Variants in ANK2 observed in about 807,000 individuals in gnomAD.
ANK2 encodes the protein ankyrin 2, also known as ankyrin-2.
A neutral mutation model predicts 360.5 loss-of-function variants in ANK2; 83 were observed. That is an observed-to-expected ratio of 0.23 (90% CI 0.19 to 0.28). The LOEUF is 0.28. Ranked by LOEUF, ANK2 falls within the 10% of genes least tolerant of loss-of-function variation. The pLI is 1.00. For missense variants in ANK2, 4,201 were observed against 4,795.7 expected (o/e 0.88, Z 3.66); for synonymous variants, 1,740 against 1,759.5 (o/e 0.99, Z 0.28).
chr4:113,009,684 C>G (rs2054073274), intron 2 of ANK2, among the ~76,000 whole-genome samples: 1 of 152,118 alleles, frequency 6.6e-6, no homozygotes, highest in Non-Finnish European at 1.5e-5. Flanking sequence ...TGGACCACTC[C>G]TGATGATAAG....
At chr4:112,989,867 G>A (rs886215356) in intron 2 of ANK2, among the ~76,000 whole-genome samples, 1 of 152,176 alleles carries the variant, frequency 6.6e-6, no homozygotes, top group Non-Finnish European at 1.5e-5. Context: ...GTTCATGACG[G>A]TATCCTTCCA....
At chr4:113,184,563 G>T (rs994804964) in intron 2 of ANK2, among the ~76,000 whole-genome samples, 1 of 152,130 alleles carries the variant, frequency 6.6e-6, no homozygotes, top group South Asian at 2.1e-4. Context: ...TGTGTGAGAT[G>T]AGGTGAAGCT....
chr4:113,222,537 T>C lies in ANK2; in HGVS notation c.385-9624T>C, dbSNP rs765647198. Among the ~76,000 whole-genome samples, 15 of 152,120 alleles carry C rather than the reference T, an allele frequency of 9.9e-5. 1 individual carries two copies. In the Middle Eastern group the frequency reaches 0.02, roughly 207 times the overall value. On this transcript the variant is annotated intron_variant, in intron 4 of 45. Coordinates refer to ENST00000357077, the MANE Select transcript of ANK2 (RefSeq NM_001148.6). ...TCAGCCTTTTTGAGTCTGAGGCAGT[T>C]TGATCCTTATTGAAAAGGGCAGCTG...
intron 43 of ANK2, chr4:113,372,420 T>A (rs868726714): frequency 3.0e-6 from 2 of 663,312 alleles, no homozygotes; most frequent in Middle Eastern, 2.6e-4. Flanking sequence ...AACTTGTCCA[T>A]CAAAGCCTCC....
At chr4:112,989,535 G>C (rs1026110225) in intron 2 of ANK2, among the ~76,000 whole-genome samples, 37 of 152,202 alleles carry the variant, frequency 2.4e-4, no homozygotes, top group African/African-American at 7.7e-4. Context: ...GCCTCGTGCA[G>C]TATGTTCTCA....
chr4:113,284,673 CAAT>C (rs1408392047), intron 18 of ANK2, among the ~76,000 whole-genome samples: 2 of 152,070 alleles, frequency 1.3e-5, no homozygotes, highest in African/African-American at 4.8e-5. Context: ...ATCTTTATAA[CAAT>C]GATTTCAGTA....
At chr4:113,137,057 C>T (rs1265128676) in intron 1 of ANK2, among the ~76,000 whole-genome samples, 4 of 152,118 alleles carry the variant, frequency 2.6e-5, no homozygotes, top group African/African-American at 7.2e-5. Context: ...TGGTCTCAAA[C>T]TCCTGACCTC....
chr4:113,000,511 C>G (rs2050209594), intron 2 of ANK2, among the ~76,000 whole-genome samples: 1 of 152,128 alleles, frequency 6.6e-6, no homozygotes, highest in Non-Finnish European at 1.5e-5. Flanking sequence ...TCTGGGATTC[C>G]TACTTCATTG....
intron 2 of ANK2, 85 bp from the exon 3 acceptor site, chr4:113,196,272 GTCTGTCTGTTC>G: frequency 1.1e-6 from 1 of 896,018 alleles, no homozygotes; most frequent in Non-Finnish European, 1.8e-6. Context: ...AGAGATCAGA[GTCTGTCTGTTC>G]TCTGGGTTAT....
intron 1 of ANK2, among the ~76,000 whole-genome samples, chr4:113,127,058 G>T (rs1358852017): frequency 2.0e-5 from 3 of 152,142 alleles, no homozygotes; most frequent in Admixed American, 6.5e-5. Flanking sequence ...TTTTGATCAA[G>T]AAATTCAGAG....
At chr4:113,377,252 C>A (rs888820358) in intron 45 of ANK2, among the ~76,000 whole-genome samples, 2 of 151,988 alleles carry the variant, frequency 1.3e-5, no homozygotes, top group Admixed American at 1.3e-4. Context: ...TGATTGGCAC[C>A]TTAGTAGGTT....
chr4:112,727,061 T>C, the ANK2 span, among the ~76,000 whole-genome samples: 20 of 151,986 alleles, frequency 1.3e-4, no homozygotes, highest in Admixed American at 1.2e-3. Flanking sequence ...AGACTAGCTG[T>C]AGTATGCAGA....
At chr4:113,028,992 C>T (rs2059837216) in intron 2 of ANK2, among the ~76,000 whole-genome samples, 1 of 152,024 alleles carries the variant, frequency 6.6e-6, no homozygotes, top group Admixed American at 6.6e-5. Context: ...CATGTTGCTA[C>T]GTGTTCTGTT....
chr4:113,274,269 G>T (rs1002622311), intron 14 of ANK2, among the ~76,000 whole-genome samples, 183 bp from the exon 15 acceptor site: 1 of 152,210 alleles, frequency 6.6e-6, no homozygotes, highest in African/African-American at 2.4e-5. Context: ...GGGAGACTTT[G>T]TGACCAACAG....
At chr4:113,200,211 C>T (rs531427961) in intron 4 of ANK2, among the ~76,000 whole-genome samples, 1 of 152,046 alleles carries the variant, frequency 6.6e-6, no homozygotes, top group African/African-American at 2.4e-5. Flanking sequence ...TAGTCTAAAA[C>T]CCTTATTAGA....
At chr4:113,196,668 C>G (rs2098752214) in intron 3 of ANK2, among the ~76,000 whole-genome samples, 1 of 152,070 alleles carries the variant, frequency 6.6e-6, no homozygotes, top group South Asian at 2.1e-4. Flanking sequence ...GCTGAGACTA[C>G]AGGCGTGCGC....
the ANK2 span, among the ~76,000 whole-genome samples, chr4:112,767,067 T>C: frequency 2.0e-5 from 3 of 152,228 alleles, no homozygotes; most frequent in Admixed American, 2.0e-4. Flanking sequence ...TATCTTATGA[T>C]GTAAAGCATC....
chr4:112,887,519 A>G (rs1175220374), intron 1 of ANK2, among the ~76,000 whole-genome samples: 1 of 152,160 alleles, frequency 6.6e-6, no homozygotes, highest in Non-Finnish European at 1.5e-5. Context: ...TGTAGTAAGC[A>G]CTCAATAATT....
At chr4:113,288,780 GCA>G (rs1470121417) in intron 20 of ANK2, among the ~76,000 whole-genome samples, 1 of 152,104 alleles carries the variant, frequency 6.6e-6, no homozygotes, top group Non-Finnish European at 1.5e-5. Context: ...TGATGTTCTG[GCA>G]GATTTCCTTT....
Sources: allele counts gnomAD v4.1 joint callset (sites outside exome capture counted in the v4.1 genomes callset), GRCh38; gene constraint gnomAD v4.1.1; transcripts MANE v1.5; gene names NCBI Gene and HGNC (gene_info 2026-07-23, HGNC 2026-07-21).